The following TBC1D12 variants were observed in gnomAD, a reference collection of about 807,000 sequenced individuals.
The protein encoded by TBC1D12 is TBC1 domain family member 12.
In TBC1D12, 56 loss-of-function variants were observed where a neutral mutation model predicts 86.7. That is an observed-to-expected ratio of 0.65 (90% CI 0.52 to 0.81). The LOEUF (loss-of-function observed/expected upper bound fraction) is 0.81, where lower values mean the gene tolerates loss of function less well. Among genes scored for constraint, TBC1D12 ranks in the 30% least tolerant of loss-of-function variants. TBC1D12 has a pLI of 0.00. For synonymous variants in TBC1D12, 421 were observed against 411.7 expected (o/e 1.02, Z -0.27); for missense variants, 1,023 against 1,038.8 (o/e 0.98, Z 0.21).
intron 1 of TBC1D12, among the ~76,000 whole-genome samples, chr10:94,406,042 C>T (rs11187929): frequency 6.6e-6 from 1 of 152,068 alleles, no homozygotes; most frequent in African/African-American, 2.4e-5. Context: ...AACTCCTGAC[C>T]TCAGGTGATC....
Position 94,535,203 on chromosome 10 carries a change from G to A in TBC1D12, c.*2107G>A, listed in dbSNP as rs1842521445. The A allele has an allele frequency of 6.6e-6, 1 of 152,086 alleles. No individual in the cohort carries two copies. Among genetic ancestry groups the A allele is most frequent in the African/African-American group, 2.4e-5 (1 of 41,408 alleles). 9.4% of individuals were successfully genotyped at this position (152,086 alleles called of 1,614,324 possible). ...AGGCAGCGAACACATCTTTAGGTGG[G>A]GGCAAGGCTATATCTGATTGACAGA... On this transcript the variant is annotated 3_prime_UTR_variant, in exon 13 of 13. Coordinates refer to ENST00000225235, the MANE Select transcript of TBC1D12 (RefSeq NM_015188.2).
intron 1 of TBC1D12, among the ~76,000 whole-genome samples, chr10:94,434,993 A>G (rs939469797): frequency 6.6e-6 from 1 of 152,240 alleles, no homozygotes; most frequent in Admixed American, 6.5e-5. Flanking sequence ...ATAGGACTGA[A>G]CATTGTTTTT....
intron 1 of TBC1D12, among the ~76,000 whole-genome samples, chr10:94,434,244 G>A (rs1272664576): frequency 1.3e-5 from 2 of 152,078 alleles, no homozygotes; most frequent in Non-Finnish European, 2.9e-5. Context: ...AGTGGCTCAC[G>A]CCTGTAATCC....
intron 8 of TBC1D12, among the ~76,000 whole-genome samples, chr10:94,510,593 A>G (rs1056288309): frequency 6.6e-6 from 1 of 152,220 alleles, no homozygotes; most frequent in Non-Finnish European, 1.5e-5. Flanking sequence ...ATAGGCTATT[A>G]TGAAGTTGCT....
At chr10:94,528,593 G>A (rs550418211) in intron 11 of TBC1D12, among the ~76,000 whole-genome samples, 2 of 152,042 alleles carry the variant, frequency 1.3e-5, no homozygotes, top group East Asian at 3.9e-4. Flanking sequence ...AGGCCGAGGC[G>A]GGTGGATCGT....
At chr10:94,525,460 C>T (rs1036906281) in intron 11 of TBC1D12, among the ~76,000 whole-genome samples, 3 of 151,768 alleles carry the variant, frequency 2.0e-5, no homozygotes, top group South Asian at 2.1e-4. Flanking sequence ...AAAAATACGC[C>T]GGATGTGGTG....
intron 1 of TBC1D12, among the ~76,000 whole-genome samples, chr10:94,416,054 C>T (rs943232628): frequency 2.0e-5 from 3 of 152,156 alleles, no homozygotes; most frequent in African/African-American, 7.2e-5. Context: ...CACAACACCA[C>T]TGGAACATAA....
chr10:94,412,955 G>A (rs2134051920), intron 1 of TBC1D12, among the ~76,000 whole-genome samples: 1 of 152,256 alleles, frequency 6.6e-6, no homozygotes, highest in Middle Eastern at 3.4e-3. Flanking sequence ...ATCCTGGGTG[G>A]GGTCCACCAG....
chr10:94,461,237 C>T (rs2055725094), intron 2 of TBC1D12, among the ~76,000 whole-genome samples: 1 of 152,100 alleles, frequency 6.6e-6, no homozygotes, highest in Admixed American at 6.5e-5. Flanking sequence ...TTCTATAGTC[C>T]TATGATTGGG....
At chr10:94,498,741 C>T (rs1340044597) in intron 5 of TBC1D12, among the ~76,000 whole-genome samples, 1 of 151,480 alleles carries the variant, frequency 6.6e-6, no homozygotes, top group Non-Finnish European at 1.5e-5. Flanking sequence ...TAGGTGTGAG[C>T]CACTGCACCC....
chr10:94,504,605 G>A (rs1310255300), intron 6 of TBC1D12, among the ~76,000 whole-genome samples: 2 of 152,080 alleles, frequency 1.3e-5, no homozygotes, highest in Non-Finnish European at 2.9e-5. Flanking sequence ...CTAAGAGTAA[G>A]GGCTCTAAAG....
chr10:94,486,595 G>A (rs1415335672), intron 3 of TBC1D12, among the ~76,000 whole-genome samples: 2 of 152,002 alleles, frequency 1.3e-5, no homozygotes, highest in Non-Finnish European at 2.9e-5. Context: ...TAATTTGCAT[G>A]TGTTTGTATA....
intron 1 of TBC1D12, among the ~76,000 whole-genome samples, chr10:94,430,624 A>C (rs2055203507): frequency 6.6e-6 from 1 of 152,156 alleles, no homozygotes; most frequent in Admixed American, 6.5e-5. Context: ...AAATGAAGAA[A>C]TTTTAGGAGA....
chr10:94,404,264 C>T (rs994085168), intron 1 of TBC1D12, among the ~76,000 whole-genome samples: 1 of 152,184 alleles, frequency 6.6e-6, no homozygotes, highest in Non-Finnish European at 1.5e-5. Flanking sequence ...TTTCTAATCT[C>T]CCAGATAAGC....
intron 9 of TBC1D12, among the ~76,000 whole-genome samples, chr10:94,520,374 G>C (rs1416356331): frequency 3.3e-5 from 5 of 152,018 alleles, no homozygotes; most frequent in African/African-American, 1.2e-4. Context: ...CCAACATGGA[G>C]AAACCCCGTC....
In TBC1D12 at chr10:94,403,192, T is replaced by C; in HGVS notation, c.579T>C (p.Ser193=). 1 of 1,496,628 alleles carries C rather than the reference T, an allele frequency of 6.7e-7. No homozygotes were observed. The allele number at this position is 1,496,628 out of a possible 1,614,324, so 92.7% of individuals were successfully genotyped here. Residue 193 remains serine, a synonymous_variant, in exon 1 of 13, where the codon TCT becomes TCC. Transcript: ENST00000225235. ...CGGGAAGCCCGTCCGATTGGGCCTC[T>C]CCGCTTGAGGACCCGCTGCGGAGCT... The part of the protein sequence containing the change: ...DGAGSPSDWA[S]PLEDPLRSCC...
intron 1 of TBC1D12, among the ~76,000 whole-genome samples, chr10:94,435,468 T>G (rs1350591187): frequency 6.6e-6 from 1 of 152,214 alleles, no homozygotes; most frequent in African/African-American, 2.4e-5. Flanking sequence ...CTAATGAGGC[T>G]AAATATTGTG....
At chr10:94,456,090 AG>A (rs1266493656) in intron 2 of TBC1D12, among the ~76,000 whole-genome samples, 1 of 152,100 alleles carries the variant, frequency 6.6e-6, no homozygotes, top group African/African-American at 2.4e-5. Flanking sequence ...TCATGGCAAG[AG>A]GATTATAAAT....
At chr10:94,481,581 G>A (rs1380455184) in intron 3 of TBC1D12, among the ~76,000 whole-genome samples, 2 of 152,196 alleles carry the variant, frequency 1.3e-5, no homozygotes, top group African/African-American at 4.8e-5. Context: ...TTAGGGCCTT[G>A]CTATGGAGTG....
Sources: gnomAD v4.1 joint callset for allele counts (sites outside exome capture counted in the v4.1 genomes callset) on GRCh38, gnomAD v4.1.1 for gene constraint, MANE v1.5 for transcripts, NCBI Gene and HGNC (gene_info 2026-07-23, HGNC 2026-07-21) for gene names.